FGF12: variants seen among roughly 807,000 people sequenced by gnomAD.
FGF12 encodes the protein fibroblast growth factor 12B.
A neutral mutation model predicts 23.6 loss-of-function variants in FGF12; 14 were observed. The ratio of observed to expected loss-of-function variants is 0.59; its 90% CI spans 0.39 to 0.93. FGF12 has a LOEUF of 0.93. FGF12 is among the 40% of genes least tolerant of loss of function. The pLI is 0.00. For missense variants in FGF12, 175 were observed against 217.8 expected (o/e 0.80, Z 1.24); for synonymous variants, 62 against 77.3 (o/e 0.80, Z 1.04).
At chr3:192,335,785 AT>A (rs1379952236) in intron 3 of FGF12, among the ~76,000 whole-genome samples, 1 of 152,040 alleles carries the variant, frequency 6.6e-6, no homozygotes. Flanking sequence ...ATATAAGATA[AT>A]TTTTTCTAAC....
intron 2 of FGF12, among the ~76,000 whole-genome samples, chr3:192,649,034 T>C (rs898408977): frequency 1.3e-5 from 2 of 152,184 alleles, no homozygotes; most frequent in African/African-American, 4.8e-5. Context: ...AAGGGGTCAC[T>C]CTATCATGTT....
chr3:192,447,201 C>A (rs1222937064), intron 2 of FGF12, among the ~76,000 whole-genome samples: 2 of 152,260 alleles, frequency 1.3e-5, no homozygotes, highest in East Asian at 3.9e-4. Context: ...ATAACCGATG[C>A]TTGAAAACTG....
intron 2 of FGF12, among the ~76,000 whole-genome samples, chr3:192,598,279 G>T (rs187073402): frequency 2.0e-5 from 3 of 152,308 alleles, no homozygotes; most frequent in Non-Finnish European, 4.4e-5. Context: ...AAATTGCATT[G>T]TCTATGCATT....
chr3:192,263,835 GGAAA>G (rs1463528761), intron 4 of FGF12, among the ~76,000 whole-genome samples: 1 of 151,984 alleles, frequency 6.6e-6, no homozygotes, highest in African/African-American at 2.4e-5. Context: ...AGGATCAAAT[GGAAA>G]GACACATTAG....
chr3:192,583,291 A>C (rs1288828121), intron 2 of FGF12, among the ~76,000 whole-genome samples: 1 of 152,136 alleles, frequency 6.6e-6, no homozygotes, highest in Non-Finnish European at 1.5e-5. Flanking sequence ...GGTACATAGG[A>C]TATCAGATGA....
At chr3:192,353,519 G>A (rs942320573) in intron 3 of FGF12, among the ~76,000 whole-genome samples, 8 of 151,928 alleles carry the variant, frequency 5.3e-5, no homozygotes, top group Non-Finnish European at 8.8e-5. Context: ...ACAGGCGCCC[G>A]CCACCACACC....
chr3:192,258,652 C>T (rs928695771), intron 4 of FGF12, among the ~76,000 whole-genome samples: 4 of 151,962 alleles, frequency 2.6e-5, no homozygotes, highest in Admixed American at 6.6e-5. Flanking sequence ...GTTTTTGAAG[C>T]ATTTTATTTT....
chr3:192,500,953 A>G (rs1238529164), intron 2 of FGF12, among the ~76,000 whole-genome samples: 1 of 152,248 alleles, frequency 6.6e-6, no homozygotes, highest in Non-Finnish European at 1.5e-5. Flanking sequence ...ACGTGGCTCC[A>G]TAGTCCATAC....
chr3:192,380,038 T>C (rs1313404102), intron 2 of FGF12, among the ~76,000 whole-genome samples: 1 of 152,142 alleles, frequency 6.6e-6, no homozygotes, highest in African/African-American at 2.4e-5. Flanking sequence ...GCTCACTGCT[T>C]GGGGAAATAA....
chr3:192,261,811 C>T (rs2108617934), intron 4 of FGF12, among the ~76,000 whole-genome samples: 1 of 152,214 alleles, frequency 6.6e-6, no homozygotes, highest in East Asian at 1.9e-4. Context: ...GTGTTATCTC[C>T]AGCAGCCTGT....
chr3:192,289,931 TATC>T (rs1714666054), intron 4 of FGF12, among the ~76,000 whole-genome samples: 1 of 152,172 alleles, frequency 6.6e-6, no homozygotes, highest in Non-Finnish European at 1.5e-5. Flanking sequence ...GAAAAGGTTT[TATC>T]ATCTTTCTCT....
chr3:192,440,927 G>A (rs1267223358), intron 2 of FGF12, among the ~76,000 whole-genome samples: 2 of 152,216 alleles, frequency 1.3e-5, no homozygotes, highest in African/African-American at 4.8e-5. Flanking sequence ...CAAGTTGAGT[G>A]CAAGCTCAAT....
chr3:192,212,711 A>T (rs2108680372), intron 4 of FGF12, among the ~76,000 whole-genome samples: 1 of 150,836 alleles, frequency 6.6e-6, no homozygotes, highest in East Asian at 1.9e-4. Flanking sequence ...GTCATAAATA[A>T]TGTGCCTCAT....
In FGF12 at chr3:192,543,119, C is replaced by T. The variant is rs13086446; in HGVS notation, c.14-182581G>A. The stretch of plus-strand genomic sequence containing the variant: ...GGTGAGTTTCCTCCAGCACCAGTCA[C>T]GTCTAGCGATGTTTTTCAGAAGCCA... On this transcript the variant is annotated intron_variant, in intron 2 of 5. Coordinates refer to ENST00000445105, the MANE Select transcript of FGF12 (RefSeq NM_004113.6). 9.2e-5 allele frequency among the ~76,000 whole-genome samples: 14 copies of T among 152,124 alleles called. No individual in the cohort carries two copies. The East Asian group carries it at 2.3e-3, about 25-fold the overall frequency.
intron 2 of FGF12, among the ~76,000 whole-genome samples, chr3:192,459,061 G>A (rs1334750941): frequency 6.6e-6 from 1 of 152,066 alleles, no homozygotes; most frequent in Non-Finnish European, 1.5e-5. Flanking sequence ...TGATTCTGAG[G>A]CCTCCCCAGC....
chr3:192,681,131 T>C (rs927093287), intron 2 of FGF12, among the ~76,000 whole-genome samples: 8 of 152,226 alleles, frequency 5.3e-5, no homozygotes, highest in Non-Finnish European at 1.0e-4. Context: ...AGAATTAATG[T>C]CTTCTTAAAA....
At chr3:192,651,670 T>C (rs1178093687) in intron 2 of FGF12, among the ~76,000 whole-genome samples, 1 of 152,210 alleles carries the variant, frequency 6.6e-6, no homozygotes, top group Non-Finnish European at 1.5e-5. Flanking sequence ...TTGTAGAAGA[T>C]GTACATACTT....
chr3:192,155,701 C>T (rs12696653), intron 5 of FGF12, among the ~76,000 whole-genome samples: 118,131 of 152,156 alleles, frequency 0.78, 45,965 homozygotes, highest in Admixed American at 0.85. Flanking sequence ...TAAATATCAG[C>T]ACTAGAATTT....
chr3:192,563,726 A>T (rs980111617), intron 2 of FGF12, among the ~76,000 whole-genome samples: 1 of 152,242 alleles, frequency 6.6e-6, no homozygotes, highest in African/African-American at 2.4e-5. Context: ...GATAAACACA[A>T]TGATAAGTAG....
Sources: allele counts gnomAD v4.1 joint callset (sites outside exome capture counted in the v4.1 genomes callset), GRCh38; gene constraint gnomAD v4.1.1; transcripts MANE v1.5; gene names NCBI Gene and HGNC (gene_info 2026-07-23, HGNC 2026-07-21).